The following KCNMA1 variants were observed in gnomAD, a reference collection of about 807,000 sequenced individuals.
KCNMA1 encodes Calcium-activated potassium channel subunit alpha-1.
In KCNMA1, 29 loss-of-function variants were observed where a neutral mutation model predicts 140.0. The observed-to-expected ratio is 0.21, with a 90% CI of 0.15 to 0.28. The LOEUF (loss-of-function observed/expected upper bound fraction) is 0.28. KCNMA1 is among the 10% of genes least tolerant of loss of function. The probability of loss-of-function intolerance (pLI) is 1.00; values close to 1 mark genes in which losing one functional copy is unlikely to be tolerated. For synonymous variants in KCNMA1, 612 were observed against 611.9 expected (o/e 1.00, Z 0.00); for missense variants, 880 against 1,602.2 (o/e 0.55, Z 7.70).
intron 1 of KCNMA1, chr10:77,634,313 A>C: frequency 1.0e-6 from 1 of 985,476 alleles, no homozygotes; most frequent in African/African-American, 1.7e-5. Flanking sequence ...TCCCAACAGG[A>C]GGAAATTGTA....
At chr10:76,975,839 G>A (rs2077330837) in intron 19 of KCNMA1, among the ~76,000 whole-genome samples, 1 of 152,018 alleles carries the variant, frequency 6.6e-6, no homozygotes, top group South Asian at 2.1e-4. Flanking sequence ...TGAGACAAGG[G>A]GTCTTTGTTG....
rs573021068 is a variant in KCNMA1 at position 77,001,701 on chromosome 10, A to G, written c.2093-121T>C. 2.2e-4 allele frequency: 161 copies of G among 747,090 alleles called. No homozygotes were observed. In the African/African-American group the frequency reaches 2.6e-3, roughly 12 times the overall value. 46.3% of individuals were successfully genotyped at this position (747,090 alleles called of 1,614,324 possible). ...AACACAGGTCTTAGTTCACTTTAACAGTCTTGACCCAGAAAAAAATGCAGA... is the reference window on the plus strand; with the variant it reads ...AACACAGGTCTTAGTTCACTTTAACGGTCTTGACCCAGAAAAAAATGCAGA... On this transcript the variant is annotated intron_variant, in intron 18 of 27. Transcript: ENST00000286628.
chr10:76,967,045 T>C (rs1459932159), intron 20 of KCNMA1, among the ~76,000 whole-genome samples: 1 of 152,142 alleles, frequency 6.6e-6, no homozygotes, highest in Non-Finnish European at 1.5e-5. Flanking sequence ...AGAGTCCCCG[T>C]TGCATCTCCT....
intron 1 of KCNMA1, among the ~76,000 whole-genome samples, chr10:77,444,775 G>A (rs2097489374): frequency 6.6e-6 from 1 of 152,062 alleles, no homozygotes; most frequent in South Asian, 2.1e-4. Context: ...GGAGCAGCTG[G>A]GCAGCCTCTT....
chr10:77,554,597 CAAAAAAAA>C (rs59754706), intron 1 of KCNMA1, among the ~76,000 whole-genome samples: 4 of 84,100 alleles, frequency 4.8e-5, no homozygotes, highest in African/African-American at 1.7e-4. Context: ...TACTCCATCT[CAAAAAAAA>C]AAAAAAAAAA....
intron 22 of KCNMA1, 103 bp downstream of exon 22, chr10:76,949,039 A>G: frequency 1.0e-6 from 1 of 983,050 alleles, no homozygotes; most frequent in South Asian, 1.3e-5. Flanking sequence ...ACCCAGATGA[A>G]GAAGCACAGG....
At chr10:77,021,003 C>G (rs1009916673) in intron 16 of KCNMA1, 5 of 151,960 alleles carry the variant, frequency 3.3e-5, no homozygotes, top group Non-Finnish European at 7.4e-5. Context: ...GGTTATTGTT[C>G]CTTTTTTTAA....
At chr10:77,528,518 G>A (rs753338841) in intron 1 of KCNMA1, among the ~76,000 whole-genome samples, 8 of 151,628 alleles carry the variant, frequency 5.3e-5, no homozygotes, top group Admixed American at 3.9e-4. Flanking sequence ...GCTGAGGCAG[G>A]AGAATCGCTT....
At position 76,914,976 on chromosome 10, in the gene KCNMA1, G is replaced by T; in HGVS notation, c.2976C>A (p.Ser992=). ...SPVHGMLRQP[S]ITTGVNIPII... The stretch of plus-strand genomic sequence containing the variant: ...TGGGGATGTTGACCCCAGTTGTGAT[G>T]GATGGTTGACGTAACATCCCGTGCA... The change falls in exon 24 of 28, where the codon TCC becomes TCA. Residue 992 remains serine (S), a synonymous_variant. Coordinates refer to ENST00000286628, the MANE Select transcript of KCNMA1 (RefSeq NM_001161352.2). 6.2e-7 allele frequency: 1 copy of T among 1,613,620 alleles called. No homozygotes were observed. The highest frequency in any genetic ancestry group is 1.1e-5 in the South Asian group (1 of 91,064).
At chr10:77,439,123 AAGAGAAGAGAAGAGAAGAGAAGAG>A (rs1426221213) in intron 1 of KCNMA1, among the ~76,000 whole-genome samples, 162 of 145,708 alleles carry the variant, frequency 1.1e-3, no homozygotes, top group African/African-American at 3.9e-3. Flanking sequence ...AAGAGAAGAG[AAGAGAAGAGAAGAGAAGAGAAGAG>A]AAAAGAGAAG....
chr10:77,012,593 G>T (rs541469781), intron 17 of KCNMA1: 1 of 1,510,026 alleles, frequency 6.6e-7, no homozygotes, highest in Non-Finnish European at 9.0e-7. Flanking sequence ...ACGAGTCAGT[G>T]GGTTCCTCTG....
At chr10:77,248,933 A>G (rs547025062) in intron 3 of KCNMA1, among the ~76,000 whole-genome samples, 20 of 152,322 alleles carry the variant, frequency 1.3e-4, no homozygotes, top group Admixed American at 1.1e-3. Flanking sequence ...CACCGGACAG[A>G]ATCTTCGGAT....
chr10:77,198,568 G>GATTGAT (rs1554968733), intron 3 of KCNMA1, among the ~76,000 whole-genome samples: 5 of 138,414 alleles, frequency 3.6e-5, no homozygotes, highest in African/African-American at 1.1e-4. Context: ...ATATATATGT[G>GATTGAT]ATATATATAT....
intron 14 of KCNMA1, chr10:77,063,731 G>C (rs2153679840): frequency 1.0e-6 from 1 of 985,216 alleles, no homozygotes; most frequent in Middle Eastern, 5.2e-4. Flanking sequence ...CGATTTTCAT[G>C]TAACAATCAC....
At chr10:77,265,472 A>G (rs1203116565) in intron 2 of KCNMA1, among the ~76,000 whole-genome samples, 1 of 152,212 alleles carries the variant, frequency 6.6e-6, no homozygotes, top group Non-Finnish European at 1.5e-5. Flanking sequence ...CTTTCAAGAT[A>G]TTCTTTTTCT....
At chr10:77,219,444 G>T (rs576769071) in intron 3 of KCNMA1, among the ~76,000 whole-genome samples, 4 of 152,210 alleles carry the variant, frequency 2.6e-5, no homozygotes, top group East Asian at 3.9e-4. Flanking sequence ...TACCAGCCTG[G>T]GGTCTTGGGT....
chr10:77,312,152 G>A (rs932717594), intron 2 of KCNMA1, among the ~76,000 whole-genome samples: 9 of 152,254 alleles, frequency 5.9e-5, no homozygotes, highest in Non-Finnish European at 1.3e-4. Flanking sequence ...GTGAGGGGCA[G>A]GGAGTGGGAC....
intron 23 of KCNMA1, among the ~76,000 whole-genome samples, chr10:76,928,657 C>G (rs1422277721): frequency 2.0e-5 from 3 of 152,048 alleles, no homozygotes; most frequent in African/African-American, 7.2e-5. Context: ...TATAAAATGG[C>G]TAAAGATAAA....
rs116734180 is a variant in KCNMA1, at chr10:77,591,143, T to A, written c.378+46122A>T. Among the ~76,000 whole-genome samples the A allele has an allele frequency of 2.9e-3, 444 of 152,166 alleles. 2 individuals are homozygous for A. The highest frequency in any genetic ancestry group is 0.01 in the African/African-American group (433 of 41,514). ...TTCATCTCAGCCAGCCAAGGTCAACTCCATTCTAAGGCTTAGTCAGCCTCC... is the reference window on the plus strand; with the variant it reads ...TTCATCTCAGCCAGCCAAGGTCAACACCATTCTAAGGCTTAGTCAGCCTCC... On this transcript the variant is annotated intron_variant, in intron 1 of 27. Transcript: ENST00000286628.
Sources: allele counts gnomAD v4.1 joint callset (sites outside exome capture counted in the v4.1 genomes callset), GRCh38; gene constraint gnomAD v4.1.1; transcripts MANE v1.5; gene names NCBI Gene and HGNC (gene_info 2026-07-23, HGNC 2026-07-21).